Variants in EIF4G3 observed in about 807,000 individuals in gnomAD.
The protein encoded by EIF4G3 is eIF-4-gamma 3.
Under a neutral mutation model 186.4 loss-of-function variants are expected in EIF4G3, and 34 were observed. The ratio of observed to expected loss-of-function variants is 0.18; its 90% CI spans 0.14 to 0.24. The LOEUF (loss-of-function observed/expected upper bound fraction) is 0.24, where lower values mean the gene tolerates loss of function less well. EIF4G3 is among the 10% of genes least tolerant of loss of function. The pLI, the probability that EIF4G3 is intolerant of heterozygous loss-of-function variation, is 1.00. For synonymous variants in EIF4G3, 673 were observed against 679.5 expected (o/e 0.99, Z 0.15); for missense variants, 1,536 against 1,948.5 (o/e 0.79, Z 3.99).
chr1:21,101,617 C>CAAAG (rs1293751740), intron 2 of EIF4G3, among the ~76,000 whole-genome samples: 1 of 17,644 alleles, frequency 5.7e-5, no homozygotes, highest in Non-Finnish European at 1.0e-4. Flanking sequence ...AAGGAAGGAA[C>CAAAG]AAAGAAAGAA....
intron 14 of EIF4G3, among the ~76,000 whole-genome samples, chr1:20,930,881 C>T (rs1239839971): frequency 6.6e-6 from 1 of 151,942 alleles, no homozygotes; most frequent in Non-Finnish European, 1.5e-5. Context: ...TTTTAAGAGA[C>T]AGGAATCTTG....
At chr1:21,103,751 C>T (rs1432106213) in intron 2 of EIF4G3, among the ~76,000 whole-genome samples, 3 of 151,862 alleles carry the variant, frequency 2.0e-5, no homozygotes, top group African/African-American at 4.8e-5. Flanking sequence ...GGCTGAGGCA[C>T]GAGAATTGCT....
chr1:21,097,850 A>C (rs2096411875), intron 2 of EIF4G3, among the ~76,000 whole-genome samples: 1 of 152,138 alleles, frequency 6.6e-6, no homozygotes, highest in African/African-American at 2.4e-5. Flanking sequence ...GAAAACTATG[A>C]ATCTTTTAGA....
chr1:20,921,197 G>A (rs550567782), intron 14 of EIF4G3, among the ~76,000 whole-genome samples: 1 of 152,016 alleles, frequency 6.6e-6, no homozygotes, highest in African/African-American at 2.4e-5. Context: ...TTTGTGCAGA[G>A]AACAATTCCA....
intron 11 of EIF4G3, among the ~76,000 whole-genome samples, chr1:20,972,172 A>G (rs1570000977): frequency 6.6e-6 from 1 of 152,174 alleles, no homozygotes; most frequent in East Asian, 1.9e-4. Flanking sequence ...CAAAACCCCT[A>G]TAAATTATAA....
intron 2 of EIF4G3, among the ~76,000 whole-genome samples, chr1:21,169,897 C>T (rs116237700): frequency 6.6e-6 from 1 of 152,086 alleles, no homozygotes; most frequent in African/African-American, 2.4e-5. Flanking sequence ...TATTTACAGG[C>T]CAGGCACGGT....
rs2059029631 is a variant in EIF4G3, at chr1:20,810,498, G to C, written c.4744+240C>G. Among the ~76,000 whole-genome samples the C allele has an allele frequency of 6.6e-6, 1 of 152,268 alleles. No homozygotes were observed. Among genetic ancestry groups the C allele is most frequent in the African/African-American group, 2.4e-5 (1 of 41,560 alleles). On this transcript the variant is annotated intron_variant, in intron 36 of 36. Transcript: ENST00000602326. The surrounding 1 kb of genome is among the most constrained non-coding windows in gnomAD (Gnocchi z 4.1). ...GGATAGGGTTTCACCATGTTGGCCA[G>C]GCTGGTCTTGAACTCTTGACCTCAA... is the stretch of plus-strand genomic sequence containing the variant.
intron 34 of EIF4G3, among the ~76,000 whole-genome samples, chr1:20,815,513 C>T (rs1245441629): frequency 6.6e-6 from 1 of 151,898 alleles, no homozygotes; most frequent in Admixed American, 6.5e-5. Context: ...CCCGGCCGCC[C>T]CGTCTGAGAA....
chr1:20,905,137 T>C (rs530421034), intron 14 of EIF4G3, among the ~76,000 whole-genome samples, 166 bp from the exon 15 acceptor site: 6 of 152,340 alleles, frequency 3.9e-5, no homozygotes, highest in South Asian at 2.1e-4. Context: ...AGCCCAGAGA[T>C]TGCAACATCA....
At chr1:20,995,173 A>G (rs755066964) in intron 7 of EIF4G3, among the ~76,000 whole-genome samples, 33 of 152,210 alleles carry the variant, frequency 2.2e-4, no homozygotes, top group Admixed American at 6.5e-4. Context: ...AGAGAACAGA[A>G]TTTCCCAAAG....
At chr1:20,958,427 C>T in intron 12 of EIF4G3, among the ~76,000 whole-genome samples, 1 of 152,072 alleles carries the variant, frequency 6.6e-6, no homozygotes, top group East Asian at 1.9e-4. Context: ...TATGACAAAA[C>T]CACAGCCAAT....
intron 2 of EIF4G3, among the ~76,000 whole-genome samples, chr1:21,147,386 G>A (rs567165075): frequency 6.6e-6 from 1 of 151,840 alleles, no homozygotes; most frequent in East Asian, 1.9e-4. Context: ...TGTCGCCTGG[G>A]CTGGAGTGCA....
chr1:21,089,301 C>A (rs1424568710), intron 2 of EIF4G3, 88 bp from the exon 3 acceptor site: 1 of 683,418 alleles, frequency 1.5e-6, no homozygotes, highest in East Asian at 2.7e-5. Flanking sequence ...CACCAACGAC[C>A]TAAGCATTTT....
At chr1:21,081,909 C>T (rs2095800600) in intron 3 of EIF4G3, among the ~76,000 whole-genome samples, 1 of 152,014 alleles carries the variant, frequency 6.6e-6, no homozygotes, top group Non-Finnish European at 1.5e-5. Context: ...TCTCAAAGTG[C>T]TGGGATCACA....
chr1:20,915,520 G>GA (rs1250156107), intron 14 of EIF4G3, among the ~76,000 whole-genome samples: 12 of 147,578 alleles, frequency 8.1e-5, no homozygotes, highest in South Asian at 6.7e-4. Context: ...TACAGAAAAA[G>GA]AAAAAAAATG....
chr1:21,053,588 G>A (rs2094400949), intron 3 of EIF4G3, among the ~76,000 whole-genome samples: 1 of 146,256 alleles, frequency 6.8e-6, no homozygotes. Flanking sequence ...GTCCGGGAGG[G>A]AGGTTGGGGG....
chr1:20,964,612 T>C (rs965950780), intron 12 of EIF4G3, among the ~76,000 whole-genome samples: 3 of 152,226 alleles, frequency 2.0e-5, no homozygotes, highest in Admixed American at 6.5e-5. Context: ...AATTAACTCA[T>C]AGCTTGTGTC....
chr1:20,822,763 G>A (rs1020789466), intron 33 of EIF4G3, among the ~76,000 whole-genome samples: 3 of 151,706 alleles, frequency 2.0e-5, no homozygotes, highest in African/African-American at 7.3e-5. Context: ...TGAGGTTATT[G>A]ACCTTTCTTC....
Position 20,901,988 on chromosome 1 carries a change from T to C in EIF4G3, c.1753-2045A>G, listed in dbSNP as rs534996784. On this transcript the variant is annotated intron_variant, in intron 15 of 36. Coordinates refer to ENST00000602326, the MANE Select transcript of EIF4G3 (RefSeq NM_001391906.1). ...AATAATTGATGAAATGCTCTAAAAT[T>C]TTAAAACTTATTTTAAGATACTTTG... 5.3e-5 allele frequency among the ~76,000 whole-genome samples: 8 copies of C among 152,256 alleles called. No individual in the cohort carries two copies. In the South Asian group the frequency reaches 8.3e-4, roughly 16 times the overall value.
Sources: gnomAD v4.1 joint callset for allele counts (sites outside exome capture counted in the v4.1 genomes callset) on GRCh38, gnomAD v4.1.1 for gene constraint, Gnocchi (gnomAD v3.1) non-coding constraint, MANE v1.5 for transcripts, NCBI Gene and HGNC (gene_info 2026-07-23, HGNC 2026-07-21) for gene names.